The following TOP2A variants were observed in gnomAD, a reference collection of about 807,000 sequenced individuals.
TOP2A encodes the protein DNA topoisomerase 2-alpha.
Under a neutral mutation model 187.2 loss-of-function variants are expected in TOP2A, and 68 were observed. The observed-to-expected ratio is 0.36, with a 90% confidence interval of 0.30 to 0.44. The LOEUF is 0.44. Among genes scored for constraint, TOP2A ranks in the 20% least tolerant of loss-of-function variants. The probability of loss-of-function intolerance (pLI) is 1.00; values close to 1 mark genes in which losing one functional copy is unlikely to be tolerated. For synonymous variants in TOP2A, 542 were observed against 593.2 expected (o/e 0.91, Z 1.25); for missense variants, 1,196 against 1,808.7 (o/e 0.66, Z 6.14).
chr17:40,417,549 C>A (rs1158287735), intron 1 of TOP2A: 3 of 1,429,320 alleles, frequency 2.1e-6, no homozygotes, highest in African/African-American at 2.9e-5. Context: ...AGAAACAGGG[C>A]AACAACGCAC....
chr17:40,408,236 A>G (rs910824478), intron 11 of TOP2A, 112 bp from the exon 12 acceptor site: 2 of 921,268 alleles, frequency 2.2e-6, no homozygotes, highest in Non-Finnish European at 3.2e-6. Context: ...CTATATAATG[A>G]GCAAAATTAT....
chr17:40,394,096 T>G, intron 29 of TOP2A, among the ~76,000 whole-genome samples: 1 of 148,274 alleles, frequency 6.7e-6, no homozygotes, highest in African/African-American at 2.5e-5. Context: ...AATGAAGTAC[T>G]AATATATGGG....
At chr17:40,397,773 A>G (rs1373320752) in intron 27 of TOP2A, among the ~76,000 whole-genome samples, 1 of 151,054 alleles carries the variant, frequency 6.6e-6, no homozygotes, top group African/African-American at 2.4e-5. Context: ...TGTATTCTAA[A>G]TAGTATTTTT....
chr17:40,408,081 T>C lies in TOP2A; in HGVS notation c.1386A>G (p.Gly462=). Residue 462 remains glycine, a synonymous_variant, in exon 12 of 35, where the codon GGA becomes GGG. Transcript: ENST00000423485. The part of the protein sequence containing the change: ...STECTLILTE[G]DSAKTLAVSG... ...AAACAGCCAAAGTTTTGGCTGAATC[T>C]CCCTCAGTCAGGATAAGCGTACACT... 2.5e-6 allele frequency: 4 copies of C among 1,613,494 alleles called. No individual in the cohort carries two copies. The highest frequency in any genetic ancestry group is 3.4e-6 in the Non-Finnish European group (4 of 1,179,570).
intron 12 of TOP2A, 79 bp from the exon 13 acceptor site, chr17:40,407,753 G>A: frequency 7.3e-7 from 1 of 1,378,236 alleles, no homozygotes; most frequent in Non-Finnish European, 9.8e-7. Flanking sequence ...TATGTTGCTT[G>A]GATTTTCTTG....
At chr17:40,404,690 T>G in intron 17 of TOP2A, 101 bp downstream of exon 17, 1 of 866,412 alleles carries the variant, frequency 1.2e-6, no homozygotes, top group Non-Finnish European at 1.8e-6. Flanking sequence ...ATATCAAATT[T>G]TTTACTAAAA....
Position 40,417,706 on chromosome 17 carries a change from G to A in TOP2A, c.21+65C>T, listed in dbSNP as rs542432464. The A allele has an allele frequency of 2.4e-4, 389 of 1,607,294 alleles. No individual in the cohort carries two copies. The African/African-American group carries it at 4.0e-3, about 17-fold the overall frequency. On this transcript the variant is annotated intron_variant, in intron 1 of 34. Transcript: ENST00000423485. ...GCAGCCCCAGAGCTTCACCCGTCAC[G>A]GGCGGCCAGAGAGATGCCCGGGCCG...
chr17:40,403,544 C>T (rs1478273554), intron 19 of TOP2A, among the ~76,000 whole-genome samples: 1 of 152,174 alleles, frequency 6.6e-6, no homozygotes, highest in Non-Finnish European at 1.5e-5. Flanking sequence ...AACAAGACAA[C>T]CATTATATTT....
chr17:40,390,060 C>A lies in TOP2A; in HGVS notation c.4372G>T (p.Ala1458Ser). 3 of 1,613,774 alleles carry A rather than the reference C, an allele frequency of 1.9e-6. No individual in the cohort carries two copies. Among genetic ancestry groups the A allele is most frequent in the Non-Finnish European group, 1.7e-6 (2 of 1,179,820 alleles). ...CTTTTGCGGCGATTCTTGGTTTTGG[C>A]AGGATCAGGCTTTTGAGAGACACCA... ...NSGVSQKPDPAKTKNRRKRKP... is the reference protein window; with the variant it reads ...NSGVSQKPDPSKTKNRRKRKP... Residue 1458 changes from alanine (A) to serine (S), a missense_variant, in exon 34 of 35, where the codon GCC (alanine) becomes TCC (serine). Ala to Ser is a moderately conservative substitution (Grantham distance 99). Around this residue, in one of 10 missense-constraint regions of TOP2A, gnomAD observed 374 missense variants for 403.3 expected, o/e 0.93. Transcript: ENST00000423485.
chr17:40,402,788 C>A, intron 20 of TOP2A, 118 bp downstream of exon 20: 2 of 1,112,792 alleles, frequency 1.8e-6, no homozygotes, highest in Non-Finnish European at 2.6e-6. Context: ...CCCCTGGCCT[C>A]TGCCACTAGA....
chr17:40,409,669 C>T, intron 10 of TOP2A: 1 of 229,152 alleles, frequency 4.4e-6, no homozygotes, highest in Non-Finnish European at 8.8e-6. Flanking sequence ...TGGAGAATCC[C>T]AGCTACTCAG....
intron 5 of TOP2A, 39 bp downstream of exon 5, chr17:40,413,441 T>A (rs910424484): frequency 2.7e-6 from 4 of 1,464,214 alleles, no homozygotes; most frequent in African/African-American, 2.9e-5. Flanking sequence ...ATATATATAT[T>A]TTTAGCAACA....
chr17:40,396,554 G>C, intron 27 of TOP2A, 89 bp from the exon 28 acceptor site: 1 of 1,486,094 alleles, frequency 6.7e-7, no homozygotes. Flanking sequence ...ATTTCATTTT[G>C]TTACATCTTA....
rs2035248322 is a variant in TOP2A, at chr17:40,406,574, C to A, written c.1843+10G>T. On this transcript the variant is annotated intron_variant, in intron 15 of 34. Transcript: ENST00000423485. ...AAAATGAGAAGTTCTATATGGGTTT[C>A]ATTACAAACCTTTGTAATATTTGAC... 6.2e-7 allele frequency: 1 copy of A among 1,604,892 alleles called. No individual in the cohort carries two copies. The highest frequency in any genetic ancestry group is 8.5e-7 in the Non-Finnish European group (1 of 1,173,592).
intron 10 of TOP2A, 177 bp from the exon 11 acceptor site, chr17:40,408,807 A>AG: frequency 1.4e-6 from 1 of 714,170 alleles, no homozygotes; most frequent in Non-Finnish European, 2.5e-6. Flanking sequence ...ATCACCACTG[A>AG]GGGAGCTGCT....
At chr17:40,409,808 A>G in intron 10 of TOP2A, among the ~76,000 whole-genome samples, 1 of 151,238 alleles carries the variant, frequency 6.6e-6, no homozygotes, top group Non-Finnish European at 1.5e-5. Flanking sequence ...GACTGGGCAC[A>G]GTGGCTCATG....
intron 23 of TOP2A, 58 bp downstream of exon 23, chr17:40,400,151 T>C (rs2035157913): frequency 6.3e-7 from 1 of 1,584,982 alleles, no homozygotes; most frequent in Non-Finnish European, 8.6e-7. Context: ...ACTTTTAAAA[T>C]TGATATTAAT....
At chr17:40,391,746 A>T in intron 32 of TOP2A, 106 bp from the exon 33 acceptor site, 1 of 1,165,856 alleles carries the variant, frequency 8.6e-7, no homozygotes, top group Non-Finnish European at 1.2e-6. Context: ...CAAATATGTG[A>T]CTTTTCTGGA....
intron 16 of TOP2A, 113 bp downstream of exon 16, chr17:40,406,271 A>G: frequency 1.3e-6 from 1 of 761,604 alleles, no homozygotes; most frequent in Non-Finnish European, 2.0e-6. Context: ...TCTATTCTAT[A>G]AAACATTCTT....
Sources: allele counts gnomAD v4.1 joint callset (sites outside exome capture counted in the v4.1 genomes callset), GRCh38; gene constraint gnomAD v4.1.1; regional missense constraint gnomAD v4.1.1; transcripts MANE v1.5; gene names NCBI Gene and HGNC (gene_info 2026-07-23, HGNC 2026-07-21).